PPM1E: variants seen among roughly 807,000 people sequenced by gnomAD.
PPM1E encodes the protein protein phosphatase 1E.
A neutral mutation model predicts 65.9 loss-of-function variants in PPM1E; 20 were observed. The ratio of observed to expected loss-of-function variants is 0.30; its 90% CI spans 0.21 to 0.44. The LOEUF (loss-of-function observed/expected upper bound fraction) is 0.44. Ranked by LOEUF, PPM1E falls within the 20% of genes least tolerant of loss-of-function variation. The pLI, the probability that PPM1E is intolerant of heterozygous loss-of-function variation, is 1.00. For missense variants in PPM1E, 713 were observed against 953.1 expected (o/e 0.75, Z 3.32); for synonymous variants, 352 against 374.9 (o/e 0.94, Z 0.70).
chr17:58,858,821 T>C (rs1187223649), intron 1 of PPM1E, among the ~76,000 whole-genome samples: 1 of 152,240 alleles, frequency 6.6e-6, no homozygotes, highest in Non-Finnish European at 1.5e-5. Flanking sequence ...ACATACTGAT[T>C]TCCTTTCCTT....
At chr17:58,760,953 A>G (rs2049815285) in intron 1 of PPM1E, among the ~76,000 whole-genome samples, 1 of 152,184 alleles carries the variant, frequency 6.6e-6, no homozygotes. Context: ...TGAAACTTCC[A>G]TTGTTCTCAG....
At chr17:58,965,993 T>A in intron 3 of PPM1E, 100 bp downstream of exon 3, 1 of 1,249,688 alleles carries the variant, frequency 8.0e-7, no homozygotes, top group East Asian at 2.5e-5. Context: ...TTTCTAATTG[T>A]ATCTCTGGTA....
At chr17:58,972,345 G>T in intron 5 of PPM1E, 70 bp downstream of exon 5, 4 of 1,499,244 alleles carry the variant, frequency 2.7e-6, no homozygotes, top group Non-Finnish European at 3.6e-6. Flanking sequence ...TATTGATTAG[G>T]ATTCACTTAC....
chr17:58,958,135 A>G (rs1405705600), intron 2 of PPM1E, among the ~76,000 whole-genome samples: 1 of 152,204 alleles, frequency 6.6e-6, no homozygotes, highest in Admixed American at 6.5e-5. Context: ...TGTCTCAAAC[A>G]ATGACAACAA....
intron 1 of PPM1E, among the ~76,000 whole-genome samples, chr17:58,866,692 A>G (rs1227595706): frequency 6.6e-6 from 1 of 152,200 alleles, no homozygotes; most frequent in Admixed American, 6.5e-5. Flanking sequence ...ATGTTCTCTC[A>G]TAGTACAAAA....
chr17:58,874,192 G>A (rs1395732777), intron 1 of PPM1E, among the ~76,000 whole-genome samples: 2 of 152,128 alleles, frequency 1.3e-5, no homozygotes, highest in Admixed American at 6.6e-5. Flanking sequence ...TCTGTGGTTG[G>A]CCTTGAGTTG....
At chr17:58,966,877 A>G (rs1350598789) in intron 3 of PPM1E, 1 of 152,524 alleles carries the variant, frequency 6.6e-6, no homozygotes, top group Non-Finnish European at 1.5e-5. Flanking sequence ...CTAATCAGCA[A>G]TGATGGCAGG....
intron 1 of PPM1E, among the ~76,000 whole-genome samples, chr17:58,869,377 G>A (rs929657291): frequency 6.6e-6 from 1 of 152,156 alleles, no homozygotes; most frequent in Admixed American, 6.5e-5. Context: ...GAGATGTTTG[G>A]CTCATGGGGG....
At chr17:58,855,014 G>A (rs1056895638) in intron 1 of PPM1E, among the ~76,000 whole-genome samples, 1 of 151,954 alleles carries the variant, frequency 6.6e-6, no homozygotes, top group Non-Finnish European at 1.5e-5. Context: ...TGTAATTGAT[G>A]TATTCCTGGA....
chr17:58,756,800 T>TTCC (rs2049772250), intron 1 of PPM1E, among the ~76,000 whole-genome samples: 1 of 152,160 alleles, frequency 6.6e-6, no homozygotes, highest in Non-Finnish European at 1.5e-5. Flanking sequence ...ACCTTTCCCT[T>TTCC]TCCTGCCTGG....
At chr17:58,953,792 G>C (rs949076869) in intron 1 of PPM1E, among the ~76,000 whole-genome samples, 4 of 142,914 alleles carry the variant, frequency 2.8e-5, no homozygotes, top group African/African-American at 1.1e-4. Flanking sequence ...TTGTTGCCCA[G>C]GCTAGAGTGC....
At chr17:58,830,246 G>T (rs778472279) in intron 1 of PPM1E, among the ~76,000 whole-genome samples, 1 of 151,950 alleles carries the variant, frequency 6.6e-6, no homozygotes, top group Non-Finnish European at 1.5e-5. Flanking sequence ...GAATTTTGAA[G>T]GCATTAGTCT....
intron 1 of PPM1E, chr17:58,899,651 G>A (rs73315138): frequency 0.055 from 11,770 of 215,490 alleles, 896 homozygotes; most frequent in African/African-American, 0.2. Flanking sequence ...AGAATCTCAA[G>A]CCAAAGATGT....
At position 58,983,281 on chromosome 17, in the gene PPM1E, T is replaced by C. The variant is rs1401299668; in HGVS notation, c.*2250T>C. On this transcript the variant is annotated 3_prime_UTR_variant, in exon 7 of 7. Transcript: ENST00000308249. Reference sequence around the variant, plus strand: ...CCAATATTGTGAAAAATAGCAACTATTCATTTGTTCACAACATGCGTATTT... The same window carrying C: ...CCAATATTGTGAAAAATAGCAACTACTCATTTGTTCACAACATGCGTATTT... The C allele has an allele frequency of 5.4e-6, 1 of 184,794 alleles. No individual in the cohort carries two copies. Among genetic ancestry groups the C allele is most frequent in the Non-Finnish European group, 1.1e-5 (1 of 88,608 alleles). The allele number at this position is 184,794 out of a possible 1,614,324, so 11.4% of individuals were successfully genotyped here.
intron 1 of PPM1E, among the ~76,000 whole-genome samples, chr17:58,954,434 G>T (rs890137246): frequency 1.3e-5 from 2 of 152,132 alleles, no homozygotes; most frequent in Non-Finnish European, 2.9e-5. Flanking sequence ...CCTTTGAAAA[G>T]AATAGAAATT....
chr17:58,906,291 A>C (rs2051557464), intron 1 of PPM1E, among the ~76,000 whole-genome samples: 1 of 152,132 alleles, frequency 6.6e-6, no homozygotes, highest in African/African-American at 2.4e-5. Flanking sequence ...TCTTTCAAAG[A>C]ACCAGCTTTT....
At chr17:58,837,019 CA>C (rs761954197) in intron 1 of PPM1E, among the ~76,000 whole-genome samples, 1,234 of 39,084 alleles carry the variant, frequency 0.032, 2 homozygotes, top group African/African-American at 0.039. Flanking sequence ...AACTCCGTCT[CA>C]AAAAAAAAAA....
At chr17:58,972,035 G>A in intron 4 of PPM1E, 97 bp from the exon 5 acceptor site, 3 of 1,171,778 alleles carry the variant, frequency 2.6e-6, no homozygotes, top group Non-Finnish European at 3.6e-6. Context: ...TAATAGTATA[G>A]CTCCCAGCTG....
intron 1 of PPM1E, among the ~76,000 whole-genome samples, chr17:58,835,300 G>C (rs1341628574): frequency 6.6e-6 from 1 of 152,136 alleles, no homozygotes; most frequent in Non-Finnish European, 1.5e-5. Flanking sequence ...ACAATCATTT[G>C]TGCCACTGCA....
Sources: gnomAD v4.1 joint callset for allele counts (sites outside exome capture counted in the v4.1 genomes callset) on GRCh38, gnomAD v4.1.1 for gene constraint, MANE v1.5 for transcripts, NCBI Gene and HGNC (gene_info 2026-07-23, HGNC 2026-07-21) for gene names.